MTREX: variants seen among roughly 807,000 people sequenced by gnomAD.
The protein encoded by MTREX is exosome RNA helicase MTR4.
In MTREX, 76 loss-of-function variants were observed where a neutral mutation model predicts 135.4. The observed-to-expected ratio is 0.56, with a 90% CI of 0.47 to 0.68. The LOEUF is 0.68. Ranked by LOEUF, MTREX falls within the 30% of genes least tolerant of loss-of-function variation. The pLI is 0.00. For missense variants in MTREX, 920 were observed against 1,262.1 expected (o/e 0.73, Z 4.11); for synonymous variants, 404 against 401.6 (o/e 1.01, Z -0.07).
In MTREX at chr5:55,342,340, G is replaced by A. The variant is rs992840165; in HGVS notation, c.781+569G>A. 7.2e-5 allele frequency among the ~76,000 whole-genome samples: 11 copies of A among 152,308 alleles called. No homozygotes were observed. The South Asian group carries it at 1.0e-3, about 14-fold the overall frequency. ...AAAGCAAAAGAAATTAAAAGATGGC[G>A]TGCTTCTAATAGCTCACCAGTAGAA... On this transcript the variant is annotated intron_variant, in intron 7 of 26. Transcript: ENST00000230640.
chr5:55,335,614 T>C (rs986181966), intron 5 of MTREX, among the ~76,000 whole-genome samples: 20 of 152,102 alleles, frequency 1.3e-4, no homozygotes, highest in African/African-American at 4.6e-4. Context: ...GTAGGATCGT[T>C]TCTGGACTTT....
chr5:55,358,656 A>C lies in MTREX; in HGVS notation c.1617A>C (p.Val539=). The change falls in exon 15 of 27, where the codon GTA becomes GTC. Residue 539 remains valine, a synonymous_variant. Coordinates refer to ENST00000230640, the MANE Select transcript of MTREX (RefSeq NM_015360.5). Reference sequence around the variant, plus strand: ...ATAGAGGAATTGTAATTCTTATGGTAGATGAAAAGATGAGCCCAACAATTG... The same window carrying C: ...ATAGAGGAATTGTAATTCTTATGGTCGATGAAAAGATGAGCCCAACAATTG... The part of the protein sequence containing the change: ...MDDRGIVILM[V]DEKMSPTIGK... The C allele has an allele frequency of 6.2e-7, 1 of 1,603,434 alleles. No individual in the cohort carries two copies.
intron 25 of MTREX, 72 bp downstream of exon 25, chr5:55,416,204 ACAAGT>A: frequency 2.1e-6 from 2 of 950,364 alleles, no homozygotes; most frequent in Non-Finnish European, 3.1e-6. Context: ...TTTTAATTAA[ACAAGT>A]ATAATATGTA....
chr5:55,311,306 T>C (rs1258646123), intron 1 of MTREX, among the ~76,000 whole-genome samples: 1 of 152,178 alleles, frequency 6.6e-6, no homozygotes, highest in Admixed American at 6.5e-5. Flanking sequence ...TTCCTTAATA[T>C]CGTTAAATAC....
chr5:55,377,263 C>A (rs926326292), intron 16 of MTREX, among the ~76,000 whole-genome samples: 2 of 151,964 alleles, frequency 1.3e-5, no homozygotes, highest in Admixed American at 1.3e-4. Context: ...GGAGGCAGAT[C>A]TTGCAGTGAG....
At chr5:55,363,034 T>C (rs1750043319) in intron 15 of MTREX, among the ~76,000 whole-genome samples, 1 of 152,196 alleles carries the variant, frequency 6.6e-6, no homozygotes, top group African/African-American at 2.4e-5. Context: ...TTCAATAGTG[T>C]GATACTTCTA....
chr5:55,389,723 C>G (rs1028478232), intron 19 of MTREX, among the ~76,000 whole-genome samples: 1 of 152,098 alleles, frequency 6.6e-6, no homozygotes, highest in South Asian at 2.1e-4. Context: ...GAAACCCCCT[C>G]TTTAGAAAGA....
At chr5:55,354,957 C>G (rs935862993) in intron 14 of MTREX, among the ~76,000 whole-genome samples, 1 of 152,170 alleles carries the variant, frequency 6.6e-6, no homozygotes, top group African/African-American at 2.4e-5. Context: ...GACTGGAAGG[C>G]TAATGCCATG....
chr5:55,388,581 G>T (rs1427022141), intron 19 of MTREX, among the ~76,000 whole-genome samples: 1 of 152,160 alleles, frequency 6.6e-6, no homozygotes, highest in Admixed American at 6.5e-5. Context: ...GTTTGTGTTA[G>T]ATGATTTTGC....
intron 15 of MTREX, among the ~76,000 whole-genome samples, chr5:55,365,618 A>T (rs1750089586): frequency 6.6e-6 from 1 of 152,214 alleles, no homozygotes; most frequent in Non-Finnish European, 1.5e-5. Context: ...ATGTTTCTAC[A>T]TGTATCGTCC....
At chr5:55,406,748 T>C (rs921189253) in intron 22 of MTREX, among the ~76,000 whole-genome samples, 2 of 152,232 alleles carry the variant, frequency 1.3e-5, no homozygotes, top group East Asian at 3.8e-4. Flanking sequence ...CTGAATTTTA[T>C]AATTTATATC....
At chr5:55,334,587 C>T (rs889190705) in intron 5 of MTREX, among the ~76,000 whole-genome samples, 5 of 152,062 alleles carry the variant, frequency 3.3e-5, no homozygotes, top group Non-Finnish European at 5.9e-5. Context: ...ATGTGAATAG[C>T]TTTATTATAT....
At chr5:55,321,846 T>C (rs957649686) in intron 1 of MTREX, among the ~76,000 whole-genome samples, 6 of 152,070 alleles carry the variant, frequency 3.9e-5, no homozygotes, top group African/African-American at 1.4e-4. Context: ...CGACCTCAAG[T>C]GATCATCCAC....
intron 18 of MTREX, among the ~76,000 whole-genome samples, chr5:55,380,746 A>AG (rs1023212526): frequency 2.5e-4 from 38 of 152,178 alleles, no homozygotes; most frequent in African/African-American, 8.9e-4. Flanking sequence ...CAGTATTCAT[A>AG]GGAGATGTTG....
chr5:55,406,418 A>T (rs1389722520), intron 22 of MTREX, among the ~76,000 whole-genome samples: 1 of 152,196 alleles, frequency 6.6e-6, no homozygotes, highest in Non-Finnish European at 1.5e-5. Context: ...ACAGTATGGC[A>T]GCAGCCTCAG....
At chr5:55,357,583 GT>G (rs1380559760) in intron 14 of MTREX, 2 of 152,598 alleles carry the variant, frequency 1.3e-5, no homozygotes, top group Non-Finnish European at 2.9e-5. Flanking sequence ...TGTAGGCAGT[GT>G]TCCATCTATA....
chr5:55,335,918 T>G (rs1486842533), intron 5 of MTREX, among the ~76,000 whole-genome samples: 1 of 152,176 alleles, frequency 6.6e-6, no homozygotes, highest in East Asian at 1.9e-4. Flanking sequence ...AGGTCAACTT[T>G]AATTTCTGTT....
At chr5:55,365,066 C>G (rs1255809310) in intron 15 of MTREX, among the ~76,000 whole-genome samples, 2 of 152,154 alleles carry the variant, frequency 1.3e-5, no homozygotes, top group Non-Finnish European at 2.9e-5. Flanking sequence ...TGTTGAGTTT[C>G]AGGTGACTGA....
intron 19 of MTREX, among the ~76,000 whole-genome samples, chr5:55,392,024 C>T (rs988244145): frequency 2.7e-5 from 4 of 148,170 alleles, no homozygotes; most frequent in Non-Finnish European, 6.0e-5. Context: ...AGCAGGCAAG[C>T]GGGCCCCAGT....
Sources: gnomAD v4.1 joint callset for allele counts (sites outside exome capture counted in the v4.1 genomes callset) on GRCh38, gnomAD v4.1.1 for gene constraint, MANE v1.5 for transcripts, NCBI Gene and HGNC (gene_info 2026-07-23, HGNC 2026-07-21) for gene names.